Variants in ITGAV observed in about 807,000 individuals in gnomAD.
The protein encoded by ITGAV is integrin alpha-V.
In ITGAV, 76 loss-of-function variants were observed where a neutral mutation model predicts 143.8. The observed-to-expected ratio is 0.53, with a 90% confidence interval of 0.44 to 0.64. The LOEUF is 0.64. Among genes scored for constraint, ITGAV ranks in the 30% least tolerant of loss-of-function variants. ITGAV has a pLI of 0.00. For missense variants in ITGAV, 1,193 were observed against 1,274.7 expected, an observed-to-expected ratio of 0.94 and a Z score of 0.98; for synonymous variants, 453 against 446.7, an observed-to-expected ratio of 1.01 and a Z score of -0.18.
Position 186,636,069 on chromosome 2 carries a change from C to T in ITGAV, c.632-13C>T. On this transcript the variant is annotated splice_polypyrimidine_tract_variant and intron_variant, in intron 6 of 29. Transcript: ENST00000261023. ...TTGAAGGTTATTTATTTTATATATA[C>T]ACCCTTTTTTAGGTCAGCTTATTTC... is the stretch of plus-strand genomic sequence containing the variant. The T allele has an allele frequency of 6.2e-7, 1 of 1,607,780 alleles. No individual in the cohort carries two copies. The highest frequency in any genetic ancestry group is 8.5e-7 in the Non-Finnish European group (1 of 1,177,002).
chr2:186,641,839 A>ACTTT, intron 12 of ITGAV: 1 of 493,866 alleles, frequency 2.0e-6, no homozygotes, highest in East Asian at 3.4e-5. Context: ...CAGAATGATT[A>ACTTT]CTTTCTGAAA....
Position 186,678,701 on chromosome 2 carries a change from G to A in ITGAV, c.*1409G>A, listed in dbSNP as rs200752999. The A allele has an allele frequency of 6.8e-5, 31 of 455,514 alleles. No individual in the cohort carries two copies. Among genetic ancestry groups the A allele is most frequent in the South Asian group, 4.2e-4 (27 of 64,394 alleles). The allele number at this position is 455,514 out of a possible 1,614,324, so 28.2% of individuals were successfully genotyped here. A position where few individuals can be genotyped will look rare whatever the true frequency, so the allele number is the denominator to read the frequency against. On this transcript the variant is annotated 3_prime_UTR_variant, in exon 30 of 30. Coordinates refer to ENST00000261023, the MANE Select transcript of ITGAV (RefSeq NM_002210.5). ...ATATGATTTATTCACAGTTCCTCAAGGCCTGGGGATGATGATCAGTTATAC... is the reference window on the plus strand; with the variant it reads ...ATATGATTTATTCACAGTTCCTCAAAGCCTGGGGATGATGATCAGTTATAC...
chr2:186,656,316 A>G lies in ITGAV; in HGVS notation c.1634A>G (p.Tyr545Cys), dbSNP rs1161659017. The change falls in exon 17 of 30, where the codon TAC (tyrosine) becomes TGC (cysteine). Residue 545 changes from tyrosine to cysteine, a missense_variant. Tyr to Cys is a radical substitution (Grantham distance 194). Transcript: ENST00000261023. ...KGAIRRALFLYSRSPSHSKNM... is the reference protein window; with the variant it reads ...KGAIRRALFLCSRSPSHSKNM... ...GCAATTCGACGAGCACTGTTTCTCTACAGCAGGTCCCCAAGTCACTCCAAG... is the reference window on the plus strand; with the variant it reads ...GCAATTCGACGAGCACTGTTTCTCTGCAGCAGGTCCCCAAGTCACTCCAAG... 3.2e-6 allele frequency: 5 copies of G among 1,586,288 alleles called. No individual in the cohort carries two copies. Among genetic ancestry groups the G allele is most frequent in the South Asian group, 2.3e-5 (2 of 86,018 alleles).
rs1686655135 is a variant in ITGAV, at chr2:186,592,948, A to G, written c.185+2425A>G. Among the ~76,000 whole-genome samples the G allele has an allele frequency of 1.3e-5, 2 of 152,164 alleles. 1 individual carries two copies. Among genetic ancestry groups the G allele is most frequent in the South Asian group, 4.2e-4 (2 of 4,796 alleles). ...TTTCAGATTTAACAAAAATTTATGT[A>G]AAATTTTGCTGAATTTTCTAGAAGG... On this transcript the variant is annotated intron_variant, in intron 1 of 29. Transcript: ENST00000261023.
At chr2:186,625,748 T>C (rs1459471132) in intron 4 of ITGAV, among the ~76,000 whole-genome samples, 161 bp downstream of exon 4, 1 of 152,048 alleles carries the variant, frequency 6.6e-6, no homozygotes, top group African/African-American at 2.4e-5. Flanking sequence ...CCTACTAATG[T>C]AAAGATATTA....
intron 18 of ITGAV, among the ~76,000 whole-genome samples, chr2:186,659,981 AT>A (rs1574496607): frequency 6.6e-6 from 1 of 151,996 alleles, no homozygotes; most frequent in South Asian, 2.1e-4. Context: ...TATTCTTTAC[AT>A]TTTTTATTTT....
intron 1 of ITGAV, among the ~76,000 whole-genome samples, chr2:186,601,484 T>G (rs905471105): frequency 6.6e-6 from 1 of 151,128 alleles, no homozygotes; most frequent in Non-Finnish European, 1.5e-5. Context: ...TAGAATAAAA[T>G]AAAAATTACA....
chr2:186,672,658 T>A (rs1198733599), intron 26 of ITGAV, among the ~76,000 whole-genome samples: 1 of 152,236 alleles, frequency 6.6e-6, no homozygotes, highest in Admixed American at 6.5e-5. Flanking sequence ...TCATTGTGGT[T>A]TTGATATGCA....
At position 186,679,819 on chromosome 2, in the gene ITGAV, TC is replaced by T. The variant is rs1393609475; in HGVS notation, c.*2528del. 6.6e-6 allele frequency: 1 copy of T among 152,044 alleles called. No individual in the cohort carries two copies. Among genetic ancestry groups the T allele is most frequent in the Non-Finnish European group, 1.5e-5 (1 of 67,916 alleles). The allele number at this position is 152,044 out of a possible 1,614,324, so 9.4% of individuals were successfully genotyped here. On this transcript the variant is annotated 3_prime_UTR_variant, in exon 30 of 30. Transcript: ENST00000261023. ...TAACGATTATCACTGTAATTCTGAATCTGAAAGGTAAAACAATTAGTCAAAA... is the reference window on the plus strand; with the variant it reads ...TAACGATTATCACTGTAATTCTGAATTGAAAGGTAAAACAATTAGTCAAAA...
intron 5 of ITGAV, 34 bp from the exon 6 acceptor site, chr2:186,633,295 A>T: frequency 7.0e-7 from 1 of 1,426,064 alleles, no homozygotes; most frequent in Middle Eastern, 1.8e-4. Flanking sequence ...TTGTTCTTTA[A>T]ATATATATCT....
rs543477712 is a variant in ITGAV, at chr2:186,671,112, T to C, written c.2706+1298T>C. The stretch of plus-strand genomic sequence containing the variant: ...AACCCAGGCTCCTTTCCCTTCTCGA[T>C]TGGACTATTGCCAGACCCCTGGTTG... On this transcript the variant is annotated intron_variant, in intron 26 of 29. Coordinates refer to ENST00000261023, the MANE Select transcript of ITGAV (RefSeq NM_002210.5). 1.4e-4 allele frequency among the ~76,000 whole-genome samples: 22 copies of C among 152,268 alleles called. 1 individual carries two copies. In the South Asian group the frequency reaches 2.5e-3, roughly 17 times the overall value.
Position 186,679,350 on chromosome 2 carries a change from A to T in ITGAV, c.*2058A>T, listed in dbSNP as rs1456474003. The T allele has an allele frequency of 6.6e-6, 1 of 151,998 alleles. No individual in the cohort carries two copies. The highest frequency in any genetic ancestry group is 2.4e-5 in the African/African-American group (1 of 41,452). 9.4% of individuals were successfully genotyped at this position (151,998 alleles called of 1,614,324 possible). A position where few individuals can be genotyped will look rare whatever the true frequency, so the allele number is the denominator to read the frequency against. ...AGATTGAAAGATGCTGTAATTTAGAAATTAACATGATATCTTAAATTACCT... is the reference window on the plus strand; with the variant it reads ...AGATTGAAAGATGCTGTAATTTAGATATTAACATGATATCTTAAATTACCT... On this transcript the variant is annotated 3_prime_UTR_variant, in exon 30 of 30. Transcript: ENST00000261023.
chr2:186,611,345 C>T (rs1687210877), intron 2 of ITGAV, among the ~76,000 whole-genome samples: 1 of 152,122 alleles, frequency 6.6e-6, no homozygotes, highest in South Asian at 2.1e-4. Flanking sequence ...TATTATTCGC[C>T]TACCACAGTG....
intron 14 of ITGAV, among the ~76,000 whole-genome samples, chr2:186,650,658 G>C (rs1310548466): frequency 6.6e-6 from 1 of 151,218 alleles, no homozygotes; most frequent in Non-Finnish European, 1.5e-5. Flanking sequence ...TGATTCTCGT[G>C]CCTCAGCCTC....
intron 12 of ITGAV, among the ~76,000 whole-genome samples, chr2:186,644,291 G>C (rs567331559): frequency 6.8e-6 from 1 of 147,412 alleles, no homozygotes; most frequent in African/African-American, 2.4e-5. Flanking sequence ...GAGAAGTTAT[G>C]CTTATCTTTG....
intron 16 of ITGAV, among the ~76,000 whole-genome samples, chr2:186,655,218 A>G (rs1368402509): frequency 6.6e-6 from 1 of 152,202 alleles, no homozygotes; most frequent in Admixed American, 6.5e-5. Context: ...TAGGCAAGAT[A>G]GGAGTGTTAA....
chr2:186,607,332 TTTGTCA>T (rs1687095354), intron 2 of ITGAV, among the ~76,000 whole-genome samples: 2 of 152,164 alleles, frequency 1.3e-5, no homozygotes, highest in South Asian at 4.1e-4. Flanking sequence ...ATTACAACAC[TTTGTCA>T]TTATTCACAT....
At chr2:186,596,671 T>G (rs1216187928) in intron 1 of ITGAV, among the ~76,000 whole-genome samples, 4 of 152,178 alleles carry the variant, frequency 2.6e-5, no homozygotes, top group Non-Finnish European at 4.4e-5. Context: ...AGTGCTAGGA[T>G]TACAGGCATG....
chr2:186,659,247 G>A (rs1688674854), intron 18 of ITGAV, 72 bp downstream of exon 18: 5 of 1,051,848 alleles, frequency 4.8e-6, no homozygotes, highest in Non-Finnish European at 5.1e-6. Flanking sequence ...TTAAATATTA[G>A]AGGAGATTTC....
Sources: gnomAD v4.1 joint callset for allele counts (sites outside exome capture counted in the v4.1 genomes callset) on GRCh38, gnomAD v4.1.1 for gene constraint, MANE v1.5 for transcripts, NCBI Gene and HGNC (gene_info 2026-07-23, HGNC 2026-07-21) for gene names.